Variants in ZNRF1 observed in about 807,000 individuals in gnomAD.
ZNRF1 encodes zinc and ring finger 1.
ZNRF1 carries 3 observed loss-of-function variants against 18.4 expected under a neutral mutation model. The observed-to-expected ratio is 0.16, with a 90% CI of 0.07 to 0.42. The LOEUF is 0.42. Ranked by LOEUF, ZNRF1 falls within the 10% of genes least tolerant of loss-of-function variation. The probability of loss-of-function intolerance (pLI) is 0.99; values close to 1 mark genes in which losing one functional copy is unlikely to be tolerated. For missense variants in ZNRF1, 310 were observed against 329.8 expected (o/e 0.94, Z 0.47); for synonymous variants, 157 against 144.2 (o/e 1.09, Z -0.64).
intron 1 of ZNRF1, among the ~76,000 whole-genome samples, chr16:75,050,342 A>C (rs374059774): frequency 6.6e-6 from 1 of 152,086 alleles, no homozygotes; most frequent in African/African-American, 2.4e-5. Context: ...ACTGGGCAAC[A>C]TGGCAAAACC....
At chr16:75,025,295 C>T (rs765333708) in intron 1 of ZNRF1, among the ~76,000 whole-genome samples, 1 of 152,058 alleles carries the variant, frequency 6.6e-6, no homozygotes, top group Non-Finnish European at 1.5e-5. Flanking sequence ...GTCTCGATCT[C>T]CTGACCTTGT....
chr16:75,046,416 T>C (rs940609730), intron 1 of ZNRF1, among the ~76,000 whole-genome samples: 5 of 149,732 alleles, frequency 3.3e-5, no homozygotes, highest in African/African-American at 1.2e-4. Context: ...CACGCCCAGC[T>C]AAGTTTTGTA....
chr16:75,087,167 T>TC (rs1454944097), intron 1 of ZNRF1, among the ~76,000 whole-genome samples: 7 of 152,200 alleles, frequency 4.6e-5, no homozygotes, highest in Admixed American at 4.6e-4. Flanking sequence ...CCATCCTTCC[T>TC]CGGCTGCTCT....
At chr16:75,072,076 C>A (rs1247367939) in intron 1 of ZNRF1, among the ~76,000 whole-genome samples, 2 of 152,064 alleles carry the variant, frequency 1.3e-5, no homozygotes, top group African/African-American at 4.8e-5. Context: ...ATAGCTGGGA[C>A]TACAAAGTGC....
intron 1 of ZNRF1, among the ~76,000 whole-genome samples, chr16:75,027,211 C>T (rs1378240668): frequency 1.3e-5 from 2 of 150,240 alleles, no homozygotes; most frequent in Non-Finnish European, 3.0e-5. Context: ...GTCAAGGCTG[C>T]AATGAGCTGT....
At chr16:75,018,086 G>C (rs940474744) in intron 1 of ZNRF1, among the ~76,000 whole-genome samples, 1 of 152,192 alleles carries the variant, frequency 6.6e-6, no homozygotes, top group Non-Finnish European at 1.5e-5. Context: ...TGAATCAAAT[G>C]AGTTTGTAGC....
chr16:75,062,967 G>A (rs2035761116), intron 1 of ZNRF1, among the ~76,000 whole-genome samples: 1 of 152,192 alleles, frequency 6.6e-6, no homozygotes, highest in Non-Finnish European at 1.5e-5. Context: ...CAGGGTGGAA[G>A]AACACAGGGT....
chr16:75,108,687 G>A lies in ZNRF1; in HGVS notation c.*987G>A. The A allele has an allele frequency of 2.5e-6, 1 of 397,486 alleles. No homozygotes were observed. Among genetic ancestry groups the A allele is most frequent in the Non-Finnish European group, 4.4e-6 (1 of 225,376 alleles). 24.6% of individuals were successfully genotyped at this position (397,486 alleles called of 1,614,324 possible). ...TCATTAGTCAAGGTGTTTTGATATG[G>A]TATTAAAATGTCTAATAAAAGATGG... On this transcript the variant is annotated 3_prime_UTR_variant, in exon 5 of 5. Transcript: ENST00000335325.
intron 1 of ZNRF1, among the ~76,000 whole-genome samples, chr16:75,023,697 C>A (rs1458662853): frequency 2.1e-4 from 31 of 148,786 alleles, no homozygotes; most frequent in African/African-American, 3.7e-4. Flanking sequence ...AACAAACAAA[C>A]AAAAAAAACA....
chr16:75,092,712 A>C (rs571010328), intron 1 of ZNRF1, among the ~76,000 whole-genome samples: 1 of 152,342 alleles, frequency 6.6e-6, no homozygotes, highest in East Asian at 1.9e-4. Context: ...ATGTGTAAGC[A>C]GTTCACACAC....
chr16:75,029,013 C>A (rs1406351228), intron 1 of ZNRF1, among the ~76,000 whole-genome samples: 1 of 150,030 alleles, frequency 6.7e-6, no homozygotes, highest in African/African-American at 2.4e-5. Context: ...TTGGTGAAGT[C>A]ATTAATATTA....
At chr16:75,067,412 A>G (rs1193715910) in intron 1 of ZNRF1, among the ~76,000 whole-genome samples, 1 of 152,196 alleles carries the variant, frequency 6.6e-6, no homozygotes, top group African/African-American at 2.4e-5. Context: ...GGGATGAGAT[A>G]TATATTGGTG....
intron 1 of ZNRF1, among the ~76,000 whole-genome samples, chr16:75,034,134 G>A (rs112911117): frequency 1.4e-4 from 21 of 152,266 alleles, no homozygotes; most frequent in African/African-American, 4.6e-4. Flanking sequence ...CCCCAGCCTC[G>A]CGACAGAGCG....
intron 1 of ZNRF1, among the ~76,000 whole-genome samples, chr16:75,002,803 C>T (rs2034869378): frequency 1.3e-5 from 2 of 152,266 alleles, no homozygotes; most frequent in Non-Finnish European, 2.9e-5. Context: ...CTTCCCTGTG[C>T]TGTGACCCCC....
At chr16:75,047,112 C>G (rs1179089407) in intron 1 of ZNRF1, among the ~76,000 whole-genome samples, 4 of 152,080 alleles carry the variant, frequency 2.6e-5, no homozygotes, top group Non-Finnish European at 4.4e-5. Context: ...CAGATCCACC[C>G]CATTCATTTG....
At chr16:75,054,679 C>A (rs778360407) in intron 1 of ZNRF1, among the ~76,000 whole-genome samples, 2 of 152,190 alleles carry the variant, frequency 1.3e-5, no homozygotes, top group Non-Finnish European at 2.9e-5. Flanking sequence ...TTTGTTCTCC[C>A]CTGGCTGTTT....
intron 1 of ZNRF1, among the ~76,000 whole-genome samples, chr16:75,073,250 C>G (rs1283059116): frequency 6.6e-6 from 1 of 151,414 alleles, no homozygotes; most frequent in Non-Finnish European, 1.5e-5. Flanking sequence ...AAAATTGAGG[C>G]AAGATTTTTT....
chr16:75,047,262 T>A (rs927005360), intron 1 of ZNRF1, among the ~76,000 whole-genome samples: 1 of 152,318 alleles, frequency 6.6e-6, no homozygotes, highest in Middle Eastern at 3.4e-3. Context: ...AATCTTGAAC[T>A]CCTGGGCTCA....
In ZNRF1 at chr16:75,072,070, C is replaced by G. The variant is rs78076924; in HGVS notation, c.425-21502C>G. On this transcript the variant is annotated intron_variant, in intron 1 of 4. Transcript: ENST00000335325. Reference sequence around the variant, plus strand: ...CCTCCCACTTCAGCCTCCCGAATAGCTGGGACTACAAAGTGCATGCCGCCA... The same window carrying G: ...CCTCCCACTTCAGCCTCCCGAATAGGTGGGACTACAAAGTGCATGCCGCCA... 2.0e-4 allele frequency among the ~76,000 whole-genome samples: 31 copies of G among 152,194 alleles called. No homozygotes were observed. The East Asian group carries it at 4.4e-3, about 22-fold the overall frequency.
Sources: allele counts gnomAD v4.1 joint callset (sites outside exome capture counted in the v4.1 genomes callset), GRCh38; gene constraint gnomAD v4.1.1; transcripts MANE v1.5; gene names NCBI Gene and HGNC (gene_info 2026-07-23, HGNC 2026-07-21).